The following ZNF395 variants were observed in gnomAD, a reference collection of about 807,000 sequenced individuals.
ZNF395 encodes the protein zinc finger protein 395.
Under a neutral mutation model 57.7 loss-of-function variants are expected in ZNF395, and 20 were observed. The ratio of observed to expected loss-of-function variants is 0.35; its 90% CI spans 0.24 to 0.50. The LOEUF (loss-of-function observed/expected upper bound fraction) is 0.50. ZNF395 is among the 20% of genes least tolerant of loss of function. The pLI is 0.97. For synonymous variants in ZNF395, 295 were observed against 275.9 expected, an observed-to-expected ratio of 1.07 and a Z score of -0.69; for missense variants, 606 against 671.2, an observed-to-expected ratio of 0.90 and a Z score of 1.07.
At chr8:28,372,853 G>A (rs567905414) in intron 1 of ZNF395, among the ~76,000 whole-genome samples, 102 of 152,194 alleles carry the variant, frequency 6.7e-4, no homozygotes, top group Non-Finnish European at 1.2e-3. Flanking sequence ...TGTGCTGTGT[G>A]ACAGGGAGGG....
chr8:28,381,515 C>T (rs921483490), intron 1 of ZNF395, among the ~76,000 whole-genome samples: 1 of 152,182 alleles, frequency 6.6e-6, no homozygotes, highest in Admixed American at 6.5e-5. Context: ...TTAGTCCCAC[C>T]TGTAAACATC....
intron 1 of ZNF395, among the ~76,000 whole-genome samples, chr8:28,361,976 A>C (rs964252740): frequency 6.6e-6 from 1 of 151,940 alleles, no homozygotes; most frequent in African/African-American, 2.4e-5. Flanking sequence ...CTGTAATCCC[A>C]GCTACTCGGG....
chr8:28,351,418 G>A (rs1245970036), intron 7 of ZNF395, 77 bp downstream of exon 7: 2 of 1,469,726 alleles, frequency 1.4e-6, no homozygotes, highest in Non-Finnish European at 1.8e-6. Flanking sequence ...CCATCAGGGT[G>A]GTCGGTAGCC....
In ZNF395 at chr8:28,352,883, C is replaced by T. The variant is rs1801734411; in HGVS notation, c.820-210G>A. On this transcript the variant is annotated intron_variant, in intron 5 of 9. Transcript: ENST00000344423. The surrounding 1 kb of genome is among the most constrained non-coding windows in gnomAD (Gnocchi z 4.0). ...GGTCCTAGTGGCCAACAGCAGTGCT[C>T]CATGCTGTGGCTAAGACCCTACTGG... Among the ~76,000 whole-genome samples the T allele has an allele frequency of 6.6e-6, 1 of 152,194 alleles. No homozygotes were observed. Among genetic ancestry groups the T allele is most frequent in the South Asian group, 2.1e-4 (1 of 4,828 alleles).
chr8:28,376,748 T>C (rs1430243014), intron 1 of ZNF395, among the ~76,000 whole-genome samples: 1 of 152,168 alleles, frequency 6.6e-6, no homozygotes, highest in African/African-American at 2.4e-5. Flanking sequence ...GCATAAATGA[T>C]ACAGAGACAA....
intron 1 of ZNF395, among the ~76,000 whole-genome samples, chr8:28,384,194 A>G (rs7846132): frequency 0.19 from 29,151 of 152,068 alleles, 4,804 homozygotes; most frequent in African/African-American, 0.44. Context: ...TCCCTCACTC[A>G]AAAACCCTGA....
chr8:28,352,800 G>T lies in ZNF395; in HGVS notation c.820-127C>A. 1.4e-6 allele frequency: 1 copy of T among 733,602 alleles called. No homozygotes were observed. The highest frequency in any genetic ancestry group is 1.8e-5 in the African/African-American group (1 of 57,044). The allele number at this position is 733,602 out of a possible 1,614,324, so 45.4% of individuals were successfully genotyped here. A position where few individuals can be genotyped will look rare whatever the true frequency, so the allele number is the denominator to read the frequency against. On this transcript the variant is annotated intron_variant, in intron 5 of 9. Transcript: ENST00000344423. The surrounding 1 kb of genome is among the most constrained non-coding windows in gnomAD (Gnocchi z 4.0). Reference sequence around the variant, plus strand: ...CCCAACAAAAACCTCCAGGAAAGGGGTTCTCTGGGACCAGAGAAACTTACA... The same window carrying T: ...CCCAACAAAAACCTCCAGGAAAGGGTTTCTCTGGGACCAGAGAAACTTACA...
chr8:28,360,801 T>A (rs1331908836), intron 2 of ZNF395, 84 bp downstream of exon 2: 2 of 1,546,734 alleles, frequency 1.3e-6, no homozygotes, highest in Non-Finnish European at 1.7e-6. Context: ...GCCCAGAGAG[T>A]TTCCGGCCTG....
Position 28,353,298 on chromosome 8 carries a change from G to GCCC in ZNF395, c.693_694insGGG (p.Ser231_Pro232insGly). On this transcript the variant is annotated inframe_insertion, in exon 5 of 10. Coordinates refer to ENST00000344423, the MANE Select transcript of ZNF395 (RefSeq NM_018660.3). The stretch of plus-strand genomic sequence containing the variant: ...TTGGGGCTGGCCTGGGGGTGGGGGG[G>GCCC]CGAGGGGGTGGAGACACCACTGCTC... The GCCC allele has an allele frequency of 1.3e-6, 1 of 749,670 alleles. No homozygotes were observed. The highest frequency in any genetic ancestry group is 2.2e-6 in the Non-Finnish European group (1 of 458,314). 46.4% of individuals were successfully genotyped at this position (749,670 alleles called of 1,614,324 possible). A position where few individuals can be genotyped will look rare whatever the true frequency, so the allele number is the denominator to read the frequency against.
chr8:28,351,696 T>G lies in ZNF395; in HGVS notation c.1032A>C (p.Pro344=). The change falls in exon 7 of 10, where the codon CCA becomes CCC. Residue 344 remains proline, a synonymous_variant. Transcript: ENST00000344423. ...AAAAAAAAGT[P]VPGTPTSEPA... The stretch of plus-strand genomic sequence containing the variant: ...GCTCGGAGGTGGGAGTCCCAGGGAC[T>G]GGGGTGCCTGCGGCAGCAGCAGCAG... 6.2e-7 allele frequency: 1 copy of G among 1,611,436 alleles called. No individual in the cohort carries two copies. Among genetic ancestry groups the G allele is most frequent in the Non-Finnish European group, 8.5e-7 (1 of 1,179,902 alleles).
chr8:28,353,674 T>C (rs1488261896), intron 4 of ZNF395, among the ~76,000 whole-genome samples: 1 of 152,118 alleles, frequency 6.6e-6, no homozygotes, highest in African/African-American at 2.4e-5. Context: ...AATTTTTTTT[T>C]AGAGATGGGG....
Position 28,351,827 on chromosome 8 carries a change from G to C in ZNF395, c.921-20C>G, listed in dbSNP as rs369565605. 6 of 1,526,284 alleles carry C rather than the reference G, an allele frequency of 3.9e-6. No individual in the cohort carries two copies. The highest frequency in any genetic ancestry group is 5.3e-6 in the Non-Finnish European group (6 of 1,138,816). 94.5% of individuals were successfully genotyped at this position (1,526,284 alleles called of 1,614,324 possible). On this transcript the variant is annotated intron_variant, in intron 6 of 9. Transcript: ENST00000344423. The stretch of plus-strand genomic sequence containing the variant: ...GTGTCCCTGTGTGGGAGGGAGATGC[G>C]GTATAATCAGGGGCACCCTGCCCCC...
chr8:28,351,783 G>A lies in ZNF395; in HGVS notation c.945C>T (p.Phe315=). The A allele has an allele frequency of 5.1e-6, 8 of 1,571,932 alleles. No homozygotes were observed. Among genetic ancestry groups the A allele is most frequent in the Non-Finnish European group, 6.9e-6 (8 of 1,163,444 alleles). ...TGTAGTAGAAATCCTCCTCCCGCTT[G>A]AACTGATCAGAGTCCACTGTGTCCC... ...HLGDTVDSDQ[F]KREEDFYYTE... Residue 315 remains phenylalanine (F), a synonymous_variant, in exon 7 of 10, where the codon TTC becomes TTT. Coordinates refer to ENST00000344423, the MANE Select transcript of ZNF395 (RefSeq NM_018660.3).
Position 28,367,177 on chromosome 8 carries a change from T to C in ZNF395, c.-58-5995A>G, listed in dbSNP as rs17059030. Among the ~76,000 whole-genome samples the C allele has an allele frequency of 6.8e-3, 1,038 of 152,312 alleles. 14 individuals are homozygous for C. The highest frequency in any genetic ancestry group is 0.024 in the African/African-American group (996 of 41,552). On this transcript the variant is annotated intron_variant, in intron 1 of 9. Coordinates refer to ENST00000344423, the MANE Select transcript of ZNF395 (RefSeq NM_018660.3). Reference sequence around the variant, plus strand: ...AAAACTGGACTACACTGCATCAGTGTAGAATAGTTTAGACTACCAGTAAAA... The same window carrying C: ...AAAACTGGACTACACTGCATCAGTGCAGAATAGTTTAGACTACCAGTAAAA...
At chr8:28,348,950 G>A in intron 9 of ZNF395, 120 bp from the exon 10 acceptor site, 1 of 1,222,704 alleles carries the variant, frequency 8.2e-7, no homozygotes, top group Non-Finnish European at 1.2e-6. Flanking sequence ...AAAGTCACCA[G>A]GACCAGGGGC....
rs896353571 is a variant in ZNF395 at position 28,352,120 on chromosome 8, C to T, written c.921-313G>A. Among the ~76,000 whole-genome samples the T allele has an allele frequency of 5.3e-5, 8 of 152,218 alleles. No homozygotes were observed. Among genetic ancestry groups the T allele is most frequent in the South Asian group, 2.1e-4 (1 of 4,828 alleles). Reference sequence around the variant, plus strand: ...TCTGGGCCCCACCTGCCTGCAGTCACGCTTTCTCCCCCAGGGCCATGAGTC... The same window carrying T: ...TCTGGGCCCCACCTGCCTGCAGTCATGCTTTCTCCCCCAGGGCCATGAGTC... On this transcript the variant is annotated intron_variant, in intron 6 of 9. Transcript: ENST00000344423. This position sits in a 1 kb window ranked among gnomAD's most constrained non-coding sequence, Gnocchi z 4.0.
At chr8:28,377,748 CTT>C (rs71549661) in intron 1 of ZNF395, among the ~76,000 whole-genome samples, 16 of 100,638 alleles carry the variant, frequency 1.6e-4, no homozygotes, top group East Asian at 1.5e-3. Context: ...GATGATCCCA[CTT>C]TTTTTTTTTT....
chr8:28,364,653 C>CAAAAAAAAA (rs1221074238), intron 1 of ZNF395, among the ~76,000 whole-genome samples: 1 of 44,120 alleles, frequency 2.3e-5, no homozygotes, highest in Non-Finnish European at 5.0e-5. Context: ...GACTCCGTCT[C>CAAAAAAAAA]AAAAAAAAAA....
intron 1 of ZNF395, chr8:28,375,308 G>GC (rs1011718658): frequency 1.3e-5 from 2 of 151,946 alleles, no homozygotes; most frequent in African/African-American, 4.8e-5. Context: ...AATGGCTTGA[G>GC]CCTGGGGAAG....
Sources: gnomAD v4.1 joint callset for allele counts (sites outside exome capture counted in the v4.1 genomes callset) on GRCh38, gnomAD v4.1.1 for gene constraint, Gnocchi (gnomAD v3.1) non-coding constraint, MANE v1.5 for transcripts, NCBI Gene and HGNC (gene_info 2026-07-23, HGNC 2026-07-21) for gene names.